The following ERBB4 variants were observed in gnomAD, a reference collection of about 807,000 sequenced individuals.
ERBB4 encodes the protein erb-b2 receptor tyrosine kinase 4.
ERBB4 carries 42 observed loss-of-function variants against 158.0 expected under a neutral mutation model. That is an observed-to-expected ratio of 0.27 (90% CI 0.21 to 0.34). The LOEUF (loss-of-function observed/expected upper bound fraction) is 0.34. ERBB4 is among the 10% of genes least tolerant of loss of function. The pLI is 1.00. For missense variants in ERBB4, 1,333 were observed against 1,624.1 expected (o/e 0.82, Z 3.08); for synonymous variants, 583 against 558.7 (o/e 1.04, Z -0.61).
chr2:212,127,831 A>T (rs1047850496), intron 1 of ERBB4, among the ~76,000 whole-genome samples: 9 of 152,116 alleles, frequency 5.9e-5, no homozygotes, highest in African/African-American at 2.2e-4. Context: ...AGGAATGCCA[A>T]AGATTGATGG....
At chr2:211,829,608 T>C (rs1255768464) in intron 3 of ERBB4, among the ~76,000 whole-genome samples, 1 of 152,154 alleles carries the variant, frequency 6.6e-6, no homozygotes, top group Non-Finnish European at 1.5e-5. Context: ...AGGACAGAGA[T>C]ATATCTTATT....
intron 3 of ERBB4, 61 bp downstream of exon 3, chr2:211,947,369 A>C (rs899307930): frequency 6.1e-6 from 8 of 1,313,832 alleles, no homozygotes; most frequent in African/African-American, 1.4e-5. Flanking sequence ...GTAACCCTAC[A>C]TATACAATTG....
chr2:212,302,374 T>C (rs2086654567), intron 1 of ERBB4, among the ~76,000 whole-genome samples: 1 of 151,476 alleles, frequency 6.6e-6, no homozygotes. Context: ...AGACATAAGG[T>C]ATTTATATAA....
In ERBB4 at chr2:212,248,721, G is replaced by A. The variant is rs570975160; in HGVS notation, c.83-123818C>T. 2.6e-5 allele frequency among the ~76,000 whole-genome samples: 4 copies of A among 152,098 alleles called. 1 individual carries two copies. In the Middle Eastern group the frequency reaches 0.01, roughly 388 times the overall value. ...TCAGCATTGTCATCAAAATTAGCTA[G>A]ATTAGTACTAAACGGTTGCTCAAAA... On this transcript the variant is annotated intron_variant, in intron 1 of 27. Coordinates refer to ENST00000342788, the MANE Select transcript of ERBB4 (RefSeq NM_005235.3).
chr2:212,183,060 A>G (rs1163867538), intron 1 of ERBB4, among the ~76,000 whole-genome samples: 1 of 151,828 alleles, frequency 6.6e-6, no homozygotes, highest in Admixed American at 6.6e-5. Flanking sequence ...AGAATCTGCT[A>G]TAAAATTTAA....
intron 2 of ERBB4, among the ~76,000 whole-genome samples, chr2:212,055,328 G>C (rs1418116558): frequency 6.6e-6 from 1 of 152,226 alleles, no homozygotes; most frequent in African/African-American, 2.4e-5. Context: ...GCCCATGACA[G>C]CTGAATGAGG....
intron 2 of ERBB4, among the ~76,000 whole-genome samples, chr2:212,074,466 A>G (rs892954721): frequency 5.3e-5 from 8 of 152,010 alleles, no homozygotes; most frequent in Admixed American, 2.0e-4. Context: ...TATTTAATAG[A>G]AGATCATAAT....
intron 1 of ERBB4, among the ~76,000 whole-genome samples, chr2:212,392,768 T>C (rs1313710408): frequency 6.6e-6 from 1 of 152,068 alleles, no homozygotes; most frequent in Non-Finnish European, 1.5e-5. Context: ...ATTATAAGTG[T>C]TTTATATCAT....
chr2:212,118,830 C>G (rs2079651798), intron 2 of ERBB4, among the ~76,000 whole-genome samples: 1 of 151,784 alleles, frequency 6.6e-6, no homozygotes, highest in African/African-American at 2.4e-5. Flanking sequence ...AATGTGTTAC[C>G]TTTTCATAAT....
chr2:212,401,544 G>GC (rs1560219360), intron 1 of ERBB4, among the ~76,000 whole-genome samples: 2 of 151,720 alleles, frequency 1.3e-5, no homozygotes, highest in African/African-American at 4.9e-5. Flanking sequence ...AACAGTTTTT[G>GC]CAAGTGTACC....
At chr2:211,484,942 G>A (rs973168884) in intron 20 of ERBB4, among the ~76,000 whole-genome samples, 2 of 152,126 alleles carry the variant, frequency 1.3e-5, no homozygotes, top group Non-Finnish European at 2.9e-5. Context: ...ACCATAAGCT[G>A]CTCAAACTGA....
intron 1 of ERBB4, among the ~76,000 whole-genome samples, chr2:212,413,633 G>C (rs2091568617): frequency 6.6e-6 from 1 of 151,958 alleles, no homozygotes; most frequent in African/African-American, 2.4e-5. Flanking sequence ...ATACGATATG[G>C]GAACAGTATG....
At chr2:211,829,968 T>A (rs1443224078) in intron 3 of ERBB4, among the ~76,000 whole-genome samples, 1 of 152,040 alleles carries the variant, frequency 6.6e-6, no homozygotes, top group Non-Finnish European at 1.5e-5. Context: ...TTACTTGGAG[T>A]GAATATAACC....
chr2:211,802,190 C>T (rs1353160735), intron 3 of ERBB4, among the ~76,000 whole-genome samples: 1 of 151,652 alleles, frequency 6.6e-6, no homozygotes. Context: ...ACTCGGGAGG[C>T]GGAGCTTGCA....
intron 1 of ERBB4, among the ~76,000 whole-genome samples, chr2:212,500,205 C>T (rs1048973623): frequency 7.9e-5 from 12 of 152,216 alleles, no homozygotes; most frequent in Middle Eastern, 6.8e-3. Flanking sequence ...GCAGTTTATT[C>T]ACATGGCCTT....
chr2:211,635,709 C>A (rs954227801), intron 16 of ERBB4, among the ~76,000 whole-genome samples: 1 of 151,976 alleles, frequency 6.6e-6, no homozygotes, highest in East Asian at 1.9e-4. Context: ...GACTGGCTAT[C>A]TTTTAAAAAG....
intron 20 of ERBB4, among the ~76,000 whole-genome samples, chr2:211,506,723 C>T (rs181999834): frequency 6.6e-6 from 1 of 152,032 alleles, no homozygotes; most frequent in East Asian, 1.9e-4. Flanking sequence ...AGAGACACAA[C>T]ATACTAAAAC....
chr2:211,611,393 A>G (rs907362417), intron 19 of ERBB4, among the ~76,000 whole-genome samples: 4 of 50,026 alleles, frequency 8.0e-5, no homozygotes, highest in Non-Finnish European at 1.8e-4. Context: ...TCTGGGTCCA[A>G]AGTAAGGTGT....
At chr2:212,135,131 T>G (rs2080232426) in intron 1 of ERBB4, among the ~76,000 whole-genome samples, 1 of 152,174 alleles carries the variant, frequency 6.6e-6, no homozygotes, top group Non-Finnish European at 1.5e-5. Flanking sequence ...TTATATATAC[T>G]CCTATCTGCT....
Sources: allele counts gnomAD v4.1 joint callset (sites outside exome capture counted in the v4.1 genomes callset), GRCh38; gene constraint gnomAD v4.1.1; transcripts MANE v1.5; gene names NCBI Gene and HGNC (gene_info 2026-07-23, HGNC 2026-07-21).